The following TTLL11 variants were observed in gnomAD, a reference collection of about 807,000 sequenced individuals.
TTLL11 encodes the protein tubulin polyglutamylase TTLL11.
TTLL11 carries 42 observed loss-of-function variants against 51.7 expected under a neutral mutation model. The ratio of observed to expected loss-of-function variants is 0.81; its 90% CI spans 0.64 to 1.05. The LOEUF (loss-of-function observed/expected upper bound fraction) is 1.05. Ranked by LOEUF, TTLL11 falls within the 50% of genes least tolerant of loss-of-function variation. The probability of loss-of-function intolerance (pLI) is 0.00; values close to 1 mark genes in which losing one functional copy is unlikely to be tolerated. For synonymous variants in TTLL11, 381 were observed against 383.5 expected (o/e 0.99, Z 0.08); for missense variants, 799 against 940.4 (o/e 0.85, Z 1.97).
At chr9:122,062,462 C>CTTTTTTTTTTTTTTTTTTTTTTT (rs386416145) in intron 1 of TTLL11, among the ~76,000 whole-genome samples, 3 of 77,678 alleles carry the variant, frequency 3.9e-5, no homozygotes, top group Non-Finnish European at 6.7e-5. Flanking sequence ...TTATATTATG[C>CTTTTTTTTTTTTTTTTTTTTTTT]TTTTTTTTTT....
chr9:122,059,689 C>T (rs1207501125), intron 1 of TTLL11, among the ~76,000 whole-genome samples: 1 of 152,160 alleles, frequency 6.6e-6, no homozygotes, highest in South Asian at 2.1e-4. Context: ...GAAGACAACA[C>T]CTATTTATTA....
chr9:121,986,352 A>G (rs919135639), intron 4 of TTLL11, among the ~76,000 whole-genome samples: 9 of 152,164 alleles, frequency 5.9e-5, no homozygotes, highest in African/African-American at 2.2e-4. Context: ...CCGGGCCCAC[A>G]TGATAGTCCT....
chr9:122,058,836 GAACA>G (rs60748480), intron 1 of TTLL11, among the ~76,000 whole-genome samples: 2,615 of 152,246 alleles, frequency 0.017, 57 homozygotes, highest in African/African-American at 0.06. Context: ...AATGAATTCA[GAACA>G]AACTGATTGA....
chr9:121,906,795 T>C (rs1406388753), intron 6 of TTLL11, among the ~76,000 whole-genome samples: 4 of 152,166 alleles, frequency 2.6e-5, no homozygotes, highest in African/African-American at 9.7e-5. Flanking sequence ...GACTATTTCA[T>C]AGATATTTGT....
intron 3 of TTLL11, among the ~76,000 whole-genome samples, chr9:122,012,163 G>A (rs182235611): frequency 1.1e-4 from 16 of 152,308 alleles, no homozygotes; most frequent in African/African-American, 3.4e-4. Context: ...GTAGAGCAGA[G>A]CAATTTTTAT....
chr9:122,040,374 C>T (rs770152744), intron 1 of TTLL11: 17 of 984,856 alleles, frequency 1.7e-5, no homozygotes, highest in Middle Eastern at 5.2e-4. Flanking sequence ...AATTTCTCAC[C>T]GAGACAAAAG....
intron 6 of TTLL11, among the ~76,000 whole-genome samples, chr9:121,949,480 C>G (rs1011669102): frequency 6.6e-6 from 1 of 152,326 alleles, no homozygotes; most frequent in Non-Finnish European, 1.5e-5. Flanking sequence ...AGCATAATAA[C>G]TAACATTTTG....
intron 1 of TTLL11, among the ~76,000 whole-genome samples, chr9:122,064,724 G>A (rs1217284049): frequency 6.6e-6 from 1 of 152,128 alleles, no homozygotes; most frequent in Non-Finnish European, 1.5e-5. Flanking sequence ...GACCCAGCTT[G>A]GGAGGAATCA....
rs1491163835 is a variant in TTLL11, at chr9:121,826,217, T to TATATATATATATATAC, written c.1841-3339_1841-3338insGTATATATATATATAT. Among the ~76,000 whole-genome samples, 67 of 58,092 alleles carry TATATATATATATATAC rather than the reference T, an allele frequency of 1.2e-3. 7 individuals are homozygous for TATATATATATATATAC. Among genetic ancestry groups the TATATATATATATATAC allele is most frequent in the Non-Finnish European group, 1.6e-3 (52 of 33,190 alleles). The allele number at this position is 58,092 out of a possible 152,430, so 38.1% of individuals were successfully genotyped here. Reference sequence around the variant, plus strand: ...ATATATATATATATATATATATATATGCACACATATATATATACACGCACA... The same window carrying TATATATATATATATAC: ...ATATATATATATATATATATATATATATATATATATATATACGCACACATATATATATACACGCACA... On this transcript the variant is annotated intron_variant, in intron 8 of 8. Transcript: ENST00000321582.
At chr9:121,939,726 C>T (rs909168845) in intron 6 of TTLL11, among the ~76,000 whole-genome samples, 1 of 151,996 alleles carries the variant, frequency 6.6e-6, no homozygotes, top group African/African-American at 2.4e-5. Context: ...AAAGCAAGAA[C>T]AAAACAAAAC....
intron 1 of TTLL11, among the ~76,000 whole-genome samples, chr9:122,071,250 C>CGGTGA (rs1845719522): frequency 6.6e-6 from 1 of 152,112 alleles, no homozygotes; most frequent in African/African-American, 2.4e-5. Context: ...TTTTCCTCCT[C>CGGTGA]GGTGAGGCTG....
intron 6 of TTLL11, among the ~76,000 whole-genome samples, chr9:121,883,091 C>G (rs755262290): frequency 6.6e-6 from 1 of 152,054 alleles, no homozygotes; most frequent in Non-Finnish European, 1.5e-5. Flanking sequence ...GGCAGGGTGA[C>G]CTTTGGGCGT....
At chr9:121,933,516 G>C (rs1057435296) in intron 6 of TTLL11, among the ~76,000 whole-genome samples, 1 of 152,158 alleles carries the variant, frequency 6.6e-6, no homozygotes, top group African/African-American at 2.4e-5. Context: ...GAGATCAGTG[G>C]TGTTCAAAGG....
At chr9:122,087,571 G>T (rs970754572) in intron 1 of TTLL11, among the ~76,000 whole-genome samples, 1 of 152,114 alleles carries the variant, frequency 6.6e-6, no homozygotes, top group Non-Finnish European at 1.5e-5. Context: ...CATCAACAAA[G>T]GTCCCGCTAT....
At chr9:122,024,352 T>C (rs1157969421) in intron 3 of TTLL11, among the ~76,000 whole-genome samples, 3 of 152,306 alleles carry the variant, frequency 2.0e-5, no homozygotes, top group Non-Finnish European at 4.4e-5. Flanking sequence ...TGTTAAGATG[T>C]TGATTCTACT....
chr9:121,862,242 T>C (rs1265262544), intron 7 of TTLL11, among the ~76,000 whole-genome samples: 1 of 152,120 alleles, frequency 6.6e-6, no homozygotes, highest in Non-Finnish European at 1.5e-5. Flanking sequence ...GAGCATGATT[T>C]AGGCATCAGA....
At chr9:121,875,231 T>C (rs1649301435) in intron 6 of TTLL11, among the ~76,000 whole-genome samples, 1 of 152,218 alleles carries the variant, frequency 6.6e-6, no homozygotes, top group African/African-American at 2.4e-5. Flanking sequence ...TTGATCAGCA[T>C]ATCATCCAGG....
intron 7 of TTLL11, among the ~76,000 whole-genome samples, chr9:121,864,513 T>C (rs1838123327): frequency 6.6e-6 from 1 of 152,192 alleles, no homozygotes; most frequent in Admixed American, 6.5e-5. Flanking sequence ...TTGGTTTTGC[T>C]GCGTAACCTT....
intron 8 of TTLL11, among the ~76,000 whole-genome samples, chr9:121,824,815 A>G (rs2119105493): frequency 6.6e-6 from 1 of 152,180 alleles, no homozygotes; most frequent in South Asian, 2.1e-4. Context: ...ACTGTGCATT[A>G]TTTACCTGCT....
Sources: allele counts gnomAD v4.1 joint callset (sites outside exome capture counted in the v4.1 genomes callset), GRCh38; gene constraint gnomAD v4.1.1; transcripts MANE v1.5; gene names NCBI Gene and HGNC (gene_info 2026-07-23, HGNC 2026-07-21).